The following FGF12 variants were observed in gnomAD, a reference collection of about 807,000 sequenced individuals.
FGF12 encodes fibroblast growth factor 12B.
FGF12 carries 14 observed loss-of-function variants against 23.6 expected under a neutral mutation model. That is an observed-to-expected ratio of 0.59 (90% CI 0.39 to 0.93). The LOEUF is 0.93. Ranked by LOEUF, FGF12 falls within the 40% of genes least tolerant of loss-of-function variation. FGF12 has a pLI of 0.00. For missense variants in FGF12, 175 were observed against 217.8 expected, an observed-to-expected ratio of 0.80 and a Z score of 1.24; for synonymous variants, 62 against 77.3, an observed-to-expected ratio of 0.80 and a Z score of 1.04.
rs190125948 is a variant in FGF12, at chr3:192,364,643, C to T, written c.14-4105G>A. ...CTCCACACTCTCTTTTCCTTAACACCGGCCAGATTAAGATAACATAGCCCT... is the reference window on the plus strand; with the variant it reads ...CTCCACACTCTCTTTTCCTTAACACTGGCCAGATTAAGATAACATAGCCCT... On this transcript the variant is annotated intron_variant, in intron 2 of 5. Coordinates refer to ENST00000445105, the MANE Select transcript of FGF12 (RefSeq NM_004113.6). Among the ~76,000 whole-genome samples the T allele has an allele frequency of 9.0e-4, 137 of 152,218 alleles. 1 individual carries two copies. The highest frequency in any genetic ancestry group is 3.9e-3 in the East Asian group (20 of 5,168).
chr3:192,568,349 G>A (rs73058601), intron 2 of FGF12, among the ~76,000 whole-genome samples: 2,064 of 152,234 alleles, frequency 0.014, 41 homozygotes, highest in African/African-American at 0.047. Flanking sequence ...CTGCCAGTGG[G>A]GAGCTCATGC....
At chr3:192,434,303 C>G in intron 2 of FGF12, among the ~76,000 whole-genome samples, 1 of 152,158 alleles carries the variant, frequency 6.6e-6, no homozygotes, top group Non-Finnish European at 1.5e-5. Context: ...AGGACATCAG[C>G]TTTTCCTTGA....
intron 2 of FGF12, among the ~76,000 whole-genome samples, chr3:192,604,821 A>G (rs1011090309): frequency 6.6e-6 from 1 of 152,248 alleles, no homozygotes; most frequent in Non-Finnish European, 1.5e-5. Flanking sequence ...ATAAGGCTAT[A>G]GTAACTAAAA....
intron 2 of FGF12, among the ~76,000 whole-genome samples, chr3:192,450,925 T>C (rs190854731): frequency 6.6e-6 from 1 of 152,292 alleles, no homozygotes; most frequent in East Asian, 1.9e-4. Context: ...CTCAGCACCT[T>C]TGTGTGACAC....
At chr3:192,434,379 T>A (rs1006623431) in intron 2 of FGF12, among the ~76,000 whole-genome samples, 3 of 152,168 alleles carry the variant, frequency 2.0e-5, no homozygotes, top group African/African-American at 7.2e-5. Flanking sequence ...TTACATAACT[T>A]CCCAGTCTCA....
chr3:192,264,929 G>C (rs151166712), intron 4 of FGF12, among the ~76,000 whole-genome samples: 1 of 152,240 alleles, frequency 6.6e-6, no homozygotes, highest in East Asian at 1.9e-4. Context: ...CCATTCAGGT[G>C]TGTTAGAATT....
In FGF12 at chr3:192,714,513, A is replaced by ATTTTTTTTTTT. The variant is rs770781442; in HGVS notation, c.13+12657_13+12667dup. Among the ~76,000 whole-genome samples the ATTTTTTTTTTT allele has an allele frequency of 2.3e-4, 23 of 99,754 alleles. 1 individual carries two copies. The highest frequency in any genetic ancestry group is 2.2e-3 in the East Asian group (7 of 3,152). 65.4% of individuals were successfully genotyped at this position (99,754 alleles called of 152,430 possible). ...CTTATTTATAGATCTTAAGGAAATA[A>ATTTTTTTTTTT]TTTTTTTTTTTTTTTTTTTTTTTGA... On this transcript the variant is annotated intron_variant, in intron 2 of 5. Coordinates refer to ENST00000445105, the MANE Select transcript of FGF12 (RefSeq NM_004113.6).
intron 4 of FGF12, among the ~76,000 whole-genome samples, chr3:192,229,179 C>A (rs1449176014): frequency 6.7e-6 from 1 of 150,204 alleles, no homozygotes; most frequent in Non-Finnish European, 1.5e-5. Flanking sequence ...AAAAAAAAAA[C>A]CTGAGTTCTT....
chr3:192,172,572 A>G (rs1715628410), intron 4 of FGF12, among the ~76,000 whole-genome samples: 1 of 151,008 alleles, frequency 6.6e-6, no homozygotes, highest in Non-Finnish European at 1.5e-5. Context: ...TAAGAATCAA[A>G]GAAACAAATG....
chr3:192,598,782 A>G (rs542156426), intron 2 of FGF12, among the ~76,000 whole-genome samples: 1 of 152,318 alleles, frequency 6.6e-6, no homozygotes, highest in African/African-American at 2.4e-5. Flanking sequence ...TTTCAAATCC[A>G]AAGAGTGGAG....
Position 192,168,137 on chromosome 3 carries a change from A to G in FGF12, c.427+2321T>C, listed in dbSNP as rs977342045. ...GGCATTATCCGTAAAGGGAATAAACACAACACGTGGATTTCTTTTCTTCAT... is the reference window on the plus strand; with the variant it reads ...GGCATTATCCGTAAAGGGAATAAACGCAACACGTGGATTTCTTTTCTTCAT... On this transcript the variant is annotated intron_variant, in intron 5 of 5. Coordinates refer to ENST00000445105, the MANE Select transcript of FGF12 (RefSeq NM_004113.6). 3.3e-5 allele frequency among the ~76,000 whole-genome samples: 5 copies of G among 152,022 alleles called. No individual in the cohort carries two copies. In the East Asian group the frequency reaches 9.7e-4, roughly 29 times the overall value.
At chr3:192,453,910 A>G (rs1249178324) in intron 2 of FGF12, among the ~76,000 whole-genome samples, 1 of 152,210 alleles carries the variant, frequency 6.6e-6, no homozygotes, top group African/African-American at 2.4e-5. Context: ...TATAATATCT[A>G]TGTAAATAAT....
At chr3:192,158,649 C>CCCCCTTCCT (rs1560171888) in intron 5 of FGF12, among the ~76,000 whole-genome samples, 1 of 9,960 alleles carries the variant, frequency 1.0e-4, no homozygotes, top group African/African-American at 1.8e-4. Context: ...CCCTCCCTCC[C>CCCCCTTCCT]TCCCTCCCTT....
At chr3:192,648,933 G>A (rs949232242) in intron 2 of FGF12, among the ~76,000 whole-genome samples, 2 of 152,072 alleles carry the variant, frequency 1.3e-5, no homozygotes, top group Non-Finnish European at 2.9e-5. Flanking sequence ...ATAAATCAAG[G>A]AACTCATTCT....
At chr3:192,638,035 T>G (rs1715648423) in intron 2 of FGF12, among the ~76,000 whole-genome samples, 1 of 152,230 alleles carries the variant, frequency 6.6e-6, no homozygotes, top group Non-Finnish European at 1.5e-5. Flanking sequence ...TTCACATTAT[T>G]GCAAGTGAGC....
intron 2 of FGF12, among the ~76,000 whole-genome samples, chr3:192,691,396 T>C (rs1717939463): frequency 6.6e-6 from 1 of 151,944 alleles, no homozygotes; most frequent in Admixed American, 6.6e-5. Flanking sequence ...TCTAGAAAAT[T>C]CATAAATATG....
At chr3:192,451,995 T>G (rs1308520961) in intron 2 of FGF12, among the ~76,000 whole-genome samples, 1 of 152,224 alleles carries the variant, frequency 6.6e-6, no homozygotes, top group African/African-American at 2.4e-5. Context: ...TTTTTTTTCT[T>G]TTCCTTGCCT....
chr3:192,446,610 TG>T (rs1722363057), intron 2 of FGF12, among the ~76,000 whole-genome samples: 1 of 152,186 alleles, frequency 6.6e-6, no homozygotes, highest in African/African-American at 2.4e-5. Flanking sequence ...CAAACAGAGA[TG>T]GTCTTTCCTT....
At chr3:192,383,007 A>C (rs1305442001) in intron 2 of FGF12, among the ~76,000 whole-genome samples, 1 of 152,194 alleles carries the variant, frequency 6.6e-6, no homozygotes, top group Non-Finnish European at 1.5e-5. Context: ...TGAAGATGTA[A>C]AATTGTCTTG....
Sources: allele counts gnomAD v4.1 joint callset (sites outside exome capture counted in the v4.1 genomes callset), GRCh38; gene constraint gnomAD v4.1.1; transcripts MANE v1.5; gene names NCBI Gene and HGNC (gene_info 2026-07-23, HGNC 2026-07-21).